The following LNPK variants were observed in gnomAD, a reference collection of about 807,000 sequenced individuals.
The protein encoded by LNPK is endoplasmic reticulum junction formation protein lunapark.
LNPK carries 29 observed loss-of-function variants against 55.2 expected under a neutral mutation model. The ratio of observed to expected loss-of-function variants is 0.53; its 90% CI spans 0.39 to 0.72. The LOEUF (loss-of-function observed/expected upper bound fraction) is 0.72, where lower values mean the gene tolerates loss of function less well. LNPK is among the 30% of genes least tolerant of loss of function. LNPK has a pLI of 0.00. For synonymous variants in LNPK, 162 were observed against 168.2 expected (o/e 0.96, Z 0.29); for missense variants, 467 against 494.8 (o/e 0.94, Z 0.53).
chr2:175,933,734 T>TAA (rs1279640875), intron 12 of LNPK, among the ~76,000 whole-genome samples: 153 of 147,200 alleles, frequency 1.0e-3, no homozygotes, highest in African/African-American at 3.4e-3. Context: ...GTTAAGGGTT[T>TAA]TTTTTTTTTT....
At chr2:175,980,626 G>T (rs1297592445) in intron 4 of LNPK, among the ~76,000 whole-genome samples, 1 of 152,076 alleles carries the variant, frequency 6.6e-6, no homozygotes, top group African/African-American at 2.4e-5. Flanking sequence ...AGTACATAAG[G>T]CTGGGCACGG....
At chr2:175,953,100 C>T (rs1228978309) in intron 8 of LNPK, among the ~76,000 whole-genome samples, 1 of 152,076 alleles carries the variant, frequency 6.6e-6, no homozygotes, top group African/African-American at 2.4e-5. Context: ...CTGTGTTATG[C>T]AACCTGTCAA....
intron 1 of LNPK, among the ~76,000 whole-genome samples, chr2:175,997,766 C>G (rs545568571): frequency 7.2e-6 from 1 of 138,334 alleles, no homozygotes; most frequent in Non-Finnish European, 1.6e-5. Context: ...GAGACAGGGT[C>G]TCACTGACAC....
intron 5 of LNPK, among the ~76,000 whole-genome samples, chr2:175,975,266 A>T (rs1387907383): frequency 6.6e-6 from 1 of 152,216 alleles, no homozygotes; most frequent in African/African-American, 2.4e-5. Flanking sequence ...TGCTATTCCC[A>T]CTTCAAGTGA....
chr2:175,967,809 T>C (rs1179667483), intron 6 of LNPK: 1 of 944,540 alleles, frequency 1.1e-6, no homozygotes, highest in Non-Finnish European at 1.3e-6. Flanking sequence ...TAGCCTAAGG[T>C]GAATATTCAA....
At position 175,924,695 on chromosome 2, in the gene LNPK, C is replaced by CAA. The variant is rs35432522; in HGVS notation, c.*5270_*5271dup. 14,155 of 144,972 alleles carry CAA rather than the reference C, an allele frequency of 0.098. 811 individuals carry two copies. The highest frequency in any genetic ancestry group is 0.14 in the Non-Finnish European group (9,137 of 66,574). 9.0% of individuals were successfully genotyped at this position (144,972 alleles called of 1,614,324 possible). A position where few individuals can be genotyped will look rare whatever the true frequency, so the allele number is the denominator to read the frequency against. On this transcript the variant is annotated 3_prime_UTR_variant, in exon 13 of 13. Transcript: ENST00000272748. Reference sequence around the variant, plus strand: ...TTTACTGAAAAAAAAACAAAACAAACAAAAAAAAAAAACAAAGAAGAAGTT... The same window carrying CAA: ...TTTACTGAAAAAAAAACAAAACAAACAAAAAAAAAAAAAACAAAGAAGAAGTT...
chr2:175,931,002 A>G (rs1390112350), intron 12 of LNPK, among the ~76,000 whole-genome samples: 1 of 152,316 alleles, frequency 6.6e-6, no homozygotes, highest in East Asian at 1.9e-4. Context: ...TGTATTGAAT[A>G]AACTGCCTTT....
In LNPK at chr2:175,937,394, C is replaced by A; in HGVS notation, c.1004G>T (p.Gly335Val). 6.2e-7 allele frequency: 1 copy of A among 1,613,684 alleles called. No individual in the cohort carries two copies. The highest frequency in any genetic ancestry group is 8.5e-7 in the Non-Finnish European group (1 of 1,179,710). The part of the protein sequence containing the change: ...RQVVEGSSSV[G>V]PLPSGSVLSS... Reference sequence around the variant, plus strand: ...AAGCACACTTCCTGATGGCAAGGGACCAACTGAACTTGAACCTTCCACCAC... The same window carrying A: ...AAGCACACTTCCTGATGGCAAGGGAACAACTGAACTTGAACCTTCCACCAC... Residue 335 changes from glycine (G) to valine (V), a missense_variant, in exon 12 of 13, where the codon GGT becomes GTT. Transcript: ENST00000272748.
At chr2:175,991,924 A>G (rs1434153044) in intron 4 of LNPK, among the ~76,000 whole-genome samples, 3 of 152,176 alleles carry the variant, frequency 2.0e-5, no homozygotes, top group Non-Finnish European at 4.4e-5. Flanking sequence ...CCCACTTGCC[A>G]TTACCCACTA....
At chr2:175,998,036 C>T (rs1339197241) in intron 1 of LNPK, among the ~76,000 whole-genome samples, 2 of 151,926 alleles carry the variant, frequency 1.3e-5, no homozygotes, top group African/African-American at 4.8e-5. Context: ...AGGCACCACG[C>T]CCGGCCCAAA....
At chr2:175,969,792 T>C (rs1055554445) in intron 6 of LNPK, among the ~76,000 whole-genome samples, 1 of 152,186 alleles carries the variant, frequency 6.6e-6, no homozygotes, top group Non-Finnish European at 1.5e-5. Flanking sequence ...AAATTGCCAA[T>C]GCAGTTTTGA....
rs190245891 is a variant in LNPK at position 175,997,434 on chromosome 2, A to C, written c.-62-1788T>G. On this transcript the variant is annotated intron_variant, in intron 1 of 12. Transcript: ENST00000272748. ...AAATAACTACCAAAAAGGTGGGTGA[A>C]GGGGGTAGATTCATATGAATCACTT... Among the ~76,000 whole-genome samples the C allele has an allele frequency of 3.3e-3, 495 of 152,278 alleles. 3 individuals carry two copies. Among genetic ancestry groups the C allele is most frequent in the African/African-American group, 0.012 (481 of 41,566 alleles).
intron 4 of LNPK, among the ~76,000 whole-genome samples, chr2:175,980,947 T>C (rs1687143924): frequency 6.6e-6 from 1 of 151,668 alleles, no homozygotes; most frequent in African/African-American, 2.4e-5. Context: ...ATAAACATTA[T>C]TCATCATCTT....
chr2:175,986,104 G>T (rs148400287), intron 4 of LNPK, among the ~76,000 whole-genome samples: 155 of 152,242 alleles, frequency 1.0e-3, no homozygotes, highest in African/African-American at 3.3e-3. Flanking sequence ...AGCAAAACTA[G>T]AAGAAATACG....
chr2:175,958,370 G>C (rs114199732), intron 8 of LNPK, among the ~76,000 whole-genome samples: 2 of 152,170 alleles, frequency 1.3e-5, no homozygotes, highest in Non-Finnish European at 2.9e-5. Flanking sequence ...CCACAGGAAG[G>C]ATCAGGCAGC....
intron 9 of LNPK, among the ~76,000 whole-genome samples, chr2:175,939,935 G>C (rs1229739286): frequency 6.6e-6 from 1 of 151,876 alleles, no homozygotes; most frequent in East Asian, 1.9e-4. Flanking sequence ...ATTATGCTTA[G>C]TTCTGTACAA....
At chr2:175,986,982 A>C (rs1008887383) in intron 4 of LNPK, among the ~76,000 whole-genome samples, 1 of 151,970 alleles carries the variant, frequency 6.6e-6, no homozygotes, top group African/African-American at 2.4e-5. Context: ...AAAAAAAAAA[A>C]CAAACGAAAA....
At chr2:175,953,083 A>G (rs908914941) in intron 8 of LNPK, among the ~76,000 whole-genome samples, 2 of 152,066 alleles carry the variant, frequency 1.3e-5, no homozygotes, top group African/African-American at 4.8e-5. Context: ...AAAAATGCCC[A>G]TATTCTCTGT....
intron 6 of LNPK, among the ~76,000 whole-genome samples, chr2:175,969,056 TCAAA>T (rs1439321581): frequency 2.0e-4 from 30 of 151,212 alleles, no homozygotes; most frequent in Middle Eastern, 3.5e-3. Context: ...GTAAAACTAC[TCAAA>T]CAAAGCAGCT....
Sources: gnomAD v4.1 joint callset for allele counts (sites outside exome capture counted in the v4.1 genomes callset) on GRCh38, gnomAD v4.1.1 for gene constraint, MANE v1.5 for transcripts, NCBI Gene and HGNC (gene_info 2026-07-23, HGNC 2026-07-21) for gene names.